The following TRPC5 variants were observed in gnomAD, a reference collection of about 807,000 sequenced individuals.
The protein encoded by TRPC5 is short transient receptor potential channel 5.
In TRPC5, 9 loss-of-function variants were observed where a neutral mutation model predicts 56.5. The ratio of observed to expected loss-of-function variants is 0.16; its 90% CI spans 0.10 to 0.28. The LOEUF is 0.28. TRPC5 is among the 10% of genes least tolerant of loss of function. TRPC5 has a pLI of 1.00. For missense variants in TRPC5, 469 were observed against 748.9 expected (o/e 0.63, Z 4.36); for synonymous variants, 282 against 278.5 (o/e 1.01, Z -0.13).
intron 3 of TRPC5, among the ~76,000 whole-genome samples, chrX:111,862,937 T>C (rs1330815853): frequency 8.9e-6 from 1 of 112,438 alleles, no homozygotes; most frequent in East Asian, 2.8e-4. Context: ...TTGTTTTTAA[T>C]GCTACTGTAA....
intron 6 of TRPC5, among the ~76,000 whole-genome samples, chrX:111,841,941 C>A (rs1377714954): frequency 9.3e-6 from 1 of 107,074 alleles, no homozygotes; most frequent in Non-Finnish European, 1.9e-5. Flanking sequence ...AAACTCCTTA[C>A]CTTAGGTGAT....
intron 1 of TRPC5, among the ~76,000 whole-genome samples, chrX:112,027,638 A>G (rs1285787513): frequency 9.0e-6 from 1 of 110,865 alleles, no homozygotes; most frequent in Non-Finnish European, 1.9e-5. Context: ...CTGGGACTAC[A>G]GGCGCCCGCC....
chrX:111,887,956 AAGTT>A (rs1352143575), intron 3 of TRPC5, among the ~76,000 whole-genome samples: 1 of 111,902 alleles, frequency 8.9e-6, no homozygotes, highest in Non-Finnish European at 1.9e-5. Flanking sequence ...AAAAATTAAA[AAGTT>A]AGAGCGGAAT....
intron 1 of TRPC5, among the ~76,000 whole-genome samples, chrX:112,004,753 C>T (rs1310416791): frequency 9.0e-6 from 1 of 111,288 alleles, no homozygotes; most frequent in Non-Finnish European, 1.9e-5. Context: ...AGCAACATTT[C>T]AATGAGATTA....
chrX:111,885,817 A>G (rs1924465884), intron 3 of TRPC5, among the ~76,000 whole-genome samples: 1 of 111,539 alleles, frequency 9.0e-6, no homozygotes, highest in African/African-American at 3.3e-5. Flanking sequence ...GCATCTCCCC[A>G]TAATTAAACA....
intron 7 of TRPC5, among the ~76,000 whole-genome samples, chrX:111,809,999 C>A (rs964743653): frequency 2.7e-5 from 3 of 109,766 alleles, no homozygotes; most frequent in African/African-American, 1.0e-4. Context: ...ACTGCAACCT[C>A]TGCCTCCTGG....
intron 2 of TRPC5, among the ~76,000 whole-genome samples, chrX:111,936,980 A>T (rs1355076969): frequency 9.5e-6 from 1 of 105,663 alleles, no homozygotes; most frequent in East Asian, 2.8e-4. Context: ...AATGTTCCTA[A>T]TTCTCCACAT....
chrX:112,051,826 C>T (rs1165537282), intron 1 of TRPC5, among the ~76,000 whole-genome samples: 2 of 111,811 alleles, frequency 1.8e-5, no homozygotes, highest in African/African-American at 3.3e-5. Context: ...CTTTCTGTCT[C>T]TATGAATTTG....
rs1395657016 is a variant in TRPC5 at position 112,082,352 on chromosome X, G to A, written c.-495C>T. Reference sequence around the variant, plus strand: ...GTAGCTGACACTGTAGTGTGAAGGAGAGGGAGAAGGAGGGAGGAAGGAAGG... The same window carrying A: ...GTAGCTGACACTGTAGTGTGAAGGAAAGGGAGAAGGAGGGAGGAAGGAAGG... On this transcript the variant is annotated 5_prime_UTR_variant, in exon 1 of 11. Coordinates refer to ENST00000262839, the MANE Select transcript of TRPC5 (RefSeq NM_012471.3). 9.0e-6 allele frequency: 1 copy of A among 110,732 alleles called. No homozygotes were observed. The highest frequency in any genetic ancestry group is 2.9e-4 in the East Asian group (1 of 3,499). The allele number at this position is 110,732 out of a possible 1,213,427, so 9.1% of individuals were successfully genotyped here.
intron 2 of TRPC5, among the ~76,000 whole-genome samples, chrX:111,951,580 T>C (rs984063506): frequency 3.6e-5 from 4 of 111,641 alleles, no homozygotes; most frequent in Non-Finnish European, 7.5e-5. Context: ...ATATGAGGCC[T>C]TATTCCATAA....
intron 6 of TRPC5, among the ~76,000 whole-genome samples, chrX:111,839,424 GA>G (rs1368691986): frequency 4.5e-5 from 5 of 112,100 alleles, no homozygotes; most frequent in Admixed American, 3.8e-4. Context: ...ATGACATTGG[GA>G]AAGTTACATA....
chrX:112,015,613 C>T (rs1195545226), intron 1 of TRPC5, among the ~76,000 whole-genome samples: 1 of 111,421 alleles, frequency 9.0e-6, no homozygotes, highest in Non-Finnish European at 1.9e-5. Context: ...CAATTCGCGT[C>T]ATCCGGTGCC....
intron 1 of TRPC5, among the ~76,000 whole-genome samples, chrX:112,014,741 C>T (rs1027130524): frequency 8.9e-6 from 1 of 112,051 alleles, no homozygotes; most frequent in African/African-American, 3.2e-5. Flanking sequence ...TGATCCAAAA[C>T]AGGGCATGGA....
intron 7 of TRPC5, among the ~76,000 whole-genome samples, chrX:111,794,628 A>C (rs1032485501): frequency 8.9e-6 from 1 of 111,970 alleles, no homozygotes; most frequent in Non-Finnish European, 1.9e-5. Flanking sequence ...TGTAAACAAC[A>C]GAAATTTATT....
intron 3 of TRPC5, among the ~76,000 whole-genome samples, chrX:111,863,125 T>C (rs917367584): frequency 9.0e-6 from 1 of 111,436 alleles, no homozygotes; most frequent in Non-Finnish European, 1.9e-5. Context: ...TACTAGGCAA[T>C]AGCAGAACAG....
chrX:111,930,641 T>C lies in TRPC5; in HGVS notation c.379-17829A>G, dbSNP rs186529410. Reference sequence around the variant, plus strand: ...AAAACAATGCTTTTCTGAGCAGCAATGTGGCTACAGCAGGTGATGAGGACA... The same window carrying C: ...AAAACAATGCTTTTCTGAGCAGCAACGTGGCTACAGCAGGTGATGAGGACA... On this transcript the variant is annotated intron_variant, in intron 2 of 10. Coordinates refer to ENST00000262839, the MANE Select transcript of TRPC5 (RefSeq NM_012471.3). 15 of 111,496 alleles carry C rather than the reference T, an allele frequency of 1.3e-4. No homozygotes were observed. In the East Asian group the frequency reaches 4.3e-3, roughly 32 times the overall value. The allele number at this position is 111,496 out of a possible 1,213,427, so 9.2% of individuals were successfully genotyped here. A position where few individuals can be genotyped will look rare whatever the true frequency, so the allele number is the denominator to read the frequency against.
At chrX:112,073,806 G>A (rs201684765) in intron 1 of TRPC5, among the ~76,000 whole-genome samples, 12 of 111,200 alleles carry the variant, frequency 1.1e-4, no homozygotes, top group African/African-American at 3.3e-4. Flanking sequence ...ATCTCACCTC[G>A]CCTTCACATT....
rs1945878282 is a variant in TRPC5, at chrX:111,776,378, C to T, written c.2857G>A (p.Ala953Thr). ...SEDVFETWGEACDLLMHKWGD... is the reference protein window; with the variant it reads ...SEDVFETWGETCDLLMHKWGD... The stretch of plus-strand genomic sequence containing the variant: ...CATTTGTGCATGAGCAAGTCACAAG[C>T]CTCTCCCCAAGTTTCAAATACATCC... The change falls in exon 11 of 11, where the codon GCT becomes ACT. Residue 953 changes from alanine to threonine, a missense_variant. This residue lies in a region of TRPC5 where 194 missense variants were observed against 221.8 expected (regional missense o/e 0.87). Transcript: ENST00000262839. The T allele has an allele frequency of 8.3e-7, 1 of 1,204,472 alleles. No individual in the cohort carries two copies. The highest frequency in any genetic ancestry group is 1.8e-5 in the African/African-American group (1 of 56,834).
intron 7 of TRPC5, among the ~76,000 whole-genome samples, chrX:111,818,070 G>T (rs1433495593): frequency 1.8e-5 from 2 of 111,384 alleles, no homozygotes; most frequent in Non-Finnish European, 3.8e-5. Flanking sequence ...TGCTCCTTCT[G>T]CCCTCTATCA....
Sources: allele counts gnomAD v4.1 joint callset (sites outside exome capture counted in the v4.1 genomes callset), GRCh38; gene constraint gnomAD v4.1.1; regional missense constraint gnomAD v4.1.1; transcripts MANE v1.5; gene names NCBI Gene and HGNC (gene_info 2026-07-23, HGNC 2026-07-21).